NAALADL2: variants seen among roughly 807,000 people sequenced by gnomAD.
NAALADL2 encodes inactive N-acetylated-alpha-linked acidic dipeptidase-like protein 2.
NAALADL2 carries 76 observed loss-of-function variants against 87.2 expected under a neutral mutation model. The ratio of observed to expected loss-of-function variants is 0.87; its 90% CI spans 0.72 to 1.05. The LOEUF is 1.05. Ranked by LOEUF, NAALADL2 falls within the 50% of genes least tolerant of loss-of-function variation. The pLI, the probability that NAALADL2 is intolerant of heterozygous loss-of-function variation, is 0.00. For synonymous variants in NAALADL2, 354 were observed against 331.0 expected, an observed-to-expected ratio of 1.07 and a Z score of -0.75; for missense variants, 1,089 against 945.8, an observed-to-expected ratio of 1.15 and a Z score of -1.99.
chr3:174,798,323 TGGGCA>T (rs1196934891), intron 3 of NAALADL2, among the ~76,000 whole-genome samples: 14 of 152,298 alleles, frequency 9.2e-5, no homozygotes, highest in African/African-American at 3.1e-4. Context: ...GGTTATATAG[TGGGCA>T]TATATATTTA....
At chr3:175,279,787 A>AGT (rs34107349) in intron 4 of NAALADL2, among the ~76,000 whole-genome samples, 29,842 of 125,372 alleles carry the variant, frequency 0.24, 3,400 homozygotes, top group Non-Finnish European at 0.31. Flanking sequence ...ATAGTGTGTG[A>AGT]GTGTGTGTGT....
intron 2 of NAALADL2, among the ~76,000 whole-genome samples, chr3:174,620,329 G>A (rs563217): frequency 0.2 from 30,049 of 151,908 alleles, 3,891 homozygotes; most frequent in African/African-American, 0.37. Flanking sequence ...CCGATGTACC[G>A]TTGTAAATGC....
chr3:175,077,892 G>A (rs75645232), intron 1 of NAALADL2, among the ~76,000 whole-genome samples: 362 of 152,242 alleles, frequency 2.4e-3, no homozygotes, highest in African/African-American at 8.3e-3. Flanking sequence ...CTACCTGAAA[G>A]TTTCCTTGTG....
At chr3:175,762,192 A>ATTTTTTTTTTTTTTTT (rs55668165) in intron 13 of NAALADL2, among the ~76,000 whole-genome samples, 2 of 114,168 alleles carry the variant, frequency 1.8e-5, no homozygotes, top group East Asian at 2.6e-4. Flanking sequence ...CTGTGTTTCG[A>ATTTTTTTTTTTTTTTT]TTTTTTTTTT....
chr3:174,829,951 T>G, intron 3 of NAALADL2, among the ~76,000 whole-genome samples: 1 of 135,922 alleles, frequency 7.4e-6, no homozygotes. Flanking sequence ...TTGCCCACTT[T>G]TTGATGGGGT....
At chr3:175,277,506 A>G (rs13060567) in intron 4 of NAALADL2, among the ~76,000 whole-genome samples, 29,759 of 152,068 alleles carry the variant, frequency 0.2, 3,533 homozygotes, top group East Asian at 0.51. Context: ...ATGTAGTTCA[A>G]TGGCCAAACA....
intron 3 of NAALADL2, among the ~76,000 whole-genome samples, chr3:174,838,815 A>T (rs1042218881): frequency 1.3e-5 from 2 of 152,178 alleles, no homozygotes; most frequent in Admixed American, 6.5e-5. Flanking sequence ...TCTACAAAGG[A>T]TACTACAAAA....
intron 2 of NAALADL2, among the ~76,000 whole-genome samples, chr3:174,629,306 A>G (rs536318591): frequency 1.3e-5 from 2 of 152,346 alleles, no homozygotes; most frequent in South Asian, 4.1e-4. Context: ...CCATGCCCTT[A>G]TGATGAGGTC....
chr3:175,012,205 C>A (rs1749918860), intron 1 of NAALADL2, among the ~76,000 whole-genome samples: 1 of 152,096 alleles, frequency 6.6e-6, no homozygotes, highest in African/African-American at 2.4e-5. Context: ...GCTCCTGTTG[C>A]CCAAACTGGA....
chr3:175,802,763 T>C (rs1249130919), intron 13 of NAALADL2, among the ~76,000 whole-genome samples: 2 of 152,030 alleles, frequency 1.3e-5, no homozygotes, highest in African/African-American at 4.8e-5. Flanking sequence ...TAGTGTTGTG[T>C]ACTTCCATCA....
chr3:175,603,486 C>G (rs570893562), intron 10 of NAALADL2, among the ~76,000 whole-genome samples: 2 of 152,258 alleles, frequency 1.3e-5, no homozygotes, highest in South Asian at 2.1e-4. Flanking sequence ...CCTTCTCCCT[C>G]CAGGCCCTGA....
intron 5 of NAALADL2, among the ~76,000 whole-genome samples, chr3:175,350,055 G>GA (rs138836041): frequency 0.14 from 19,404 of 142,358 alleles, 1,318 homozygotes; most frequent in Non-Finnish European, 0.16. Flanking sequence ...AGGCTTGATT[G>GA]AAAAAAAAAA....
chr3:175,407,217 A>G (rs1009145350), intron 5 of NAALADL2, among the ~76,000 whole-genome samples: 1 of 152,154 alleles, frequency 6.6e-6, no homozygotes, highest in Non-Finnish European at 1.5e-5. Flanking sequence ...TCAGCTAGTT[A>G]TCTGAAATTT....
intron 1 of NAALADL2, among the ~76,000 whole-genome samples, chr3:175,025,739 A>G (rs1752141837): frequency 6.6e-6 from 1 of 152,144 alleles, no homozygotes; most frequent in Non-Finnish European, 1.5e-5. Context: ...GGATAAAAAT[A>G]CAAATATGTA....
At chr3:174,877,832 T>G (rs1345393530) in intron 1 of NAALADL2, among the ~76,000 whole-genome samples, 1 of 152,012 alleles carries the variant, frequency 6.6e-6, no homozygotes. Flanking sequence ...GATGATACGA[T>G]TTTTCCCCAT....
intron 9 of NAALADL2, among the ~76,000 whole-genome samples, chr3:175,516,638 A>G (rs1384137083): frequency 6.6e-6 from 1 of 152,214 alleles, no homozygotes; most frequent in Non-Finnish European, 1.5e-5. Context: ...GAAAGAAAAT[A>G]CCGTGAGGAG....
At chr3:174,518,080 TA>T (rs1386082354) in intron 1 of NAALADL2, among the ~76,000 whole-genome samples, 1 of 152,068 alleles carries the variant, frequency 6.6e-6, no homozygotes, top group Non-Finnish European at 1.5e-5. Flanking sequence ...ATGCCCTATT[TA>T]AGATGAGTAA....
At chr3:175,285,173 G>T (rs115556920) in intron 4 of NAALADL2, among the ~76,000 whole-genome samples, 3,657 of 152,114 alleles carry the variant, frequency 0.024, 148 homozygotes, top group African/African-American at 0.08. Flanking sequence ...CTGAGAGAGG[G>T]CAAAGGTAAT....
intron 11 of NAALADL2, among the ~76,000 whole-genome samples, chr3:175,710,787 T>A (rs1740431487): frequency 6.6e-6 from 1 of 151,890 alleles, no homozygotes; most frequent in Admixed American, 6.6e-5. Flanking sequence ...ATATGCATTC[T>A]TTTGTACCCT....
Sources: gnomAD v4.1 joint callset for allele counts (sites outside exome capture counted in the v4.1 genomes callset) on GRCh38, gnomAD v4.1.1 for gene constraint, MANE v1.5 for transcripts, NCBI Gene and HGNC (gene_info 2026-07-23, HGNC 2026-07-21) for gene names.